LVRN: variants seen among roughly 807,000 people sequenced by gnomAD.
The protein encoded by LVRN is laeverin.
In LVRN, 99 loss-of-function variants were observed where a neutral mutation model predicts 111.4. That is an observed-to-expected ratio of 0.89 (90% CI 0.76 to 1.05). The LOEUF is 1.05. LVRN is among the 50% of genes least tolerant of loss of function. LVRN has a pLI of 0.00. For missense variants in LVRN, 1,414 were observed against 1,206.8 expected (o/e 1.17, Z -2.54); for synonymous variants, 488 against 449.5 (o/e 1.09, Z -1.08).
intron 14 of LVRN, 132 bp from the exon 15 acceptor site, chr5:116,012,242 G>C (rs1748505699): frequency 3.4e-6 from 2 of 594,994 alleles, no homozygotes; most frequent in Non-Finnish European, 6.1e-6. Context: ...TTTAGTAACA[G>C]ATAAAGGTAA....
chr5:115,967,377 A>G (rs1338526181), intron 1 of LVRN, among the ~76,000 whole-genome samples: 1 of 152,114 alleles, frequency 6.6e-6, no homozygotes, highest in Non-Finnish European at 1.5e-5. Flanking sequence ...TTCCAGCATC[A>G]TTTGTTGAAA....
At chr5:115,963,996 T>A (rs549811630) in intron 1 of LVRN, among the ~76,000 whole-genome samples, 39 of 152,338 alleles carry the variant, frequency 2.6e-4, no homozygotes, top group South Asian at 1.0e-3. Flanking sequence ...AGCTGTAACC[T>A]GGGCGCTTGT....
intron 6 of LVRN, among the ~76,000 whole-genome samples, chr5:115,997,892 T>G (rs562534454): frequency 6.6e-6 from 1 of 152,250 alleles, no homozygotes; most frequent in East Asian, 1.9e-4. Context: ...ACCTCTAGGG[T>G]GTTGAGGAAG....
Position 116,026,434 on chromosome 5 carries a change from G to C in LVRN, c.*316G>C. 2.8e-6 allele frequency: 1 copy of C among 354,044 alleles called. No individual in the cohort carries two copies. The highest frequency in any genetic ancestry group is 5.3e-6 in the Non-Finnish European group (1 of 188,776). The allele number at this position is 354,044 out of a possible 1,614,324, so 21.9% of individuals were successfully genotyped here. A position where few individuals can be genotyped will look rare whatever the true frequency, so the allele number is the denominator to read the frequency against. On this transcript the variant is annotated 3_prime_UTR_variant, in exon 20 of 20. Transcript: ENST00000357872. ...TAGTCTTGCTTATTTTGTTGCGAAGGCCAGTGGAATATAAAAATCAATGGC... is the reference window on the plus strand; with the variant it reads ...TAGTCTTGCTTATTTTGTTGCGAAGCCCAGTGGAATATAAAAATCAATGGC...
At chr5:116,008,775 A>AAAGGTGCT (rs1748430225) in intron 13 of LVRN, among the ~76,000 whole-genome samples, 1 of 152,200 alleles carries the variant, frequency 6.6e-6, no homozygotes, top group Non-Finnish European at 1.5e-5. Context: ...AGGTGCAGGA[A>AAAGGTGCT]AAGGTGCTAG....
chr5:116,019,011 A>T (rs1438692205), intron 18 of LVRN, among the ~76,000 whole-genome samples: 2 of 152,118 alleles, frequency 1.3e-5, no homozygotes, highest in Non-Finnish European at 2.9e-5. Flanking sequence ...ACAGGAATAC[A>T]TTCTGAGAAA....
At position 116,015,302 on chromosome 5, in the gene LVRN, G is replaced by A. The variant is rs375897902; in HGVS notation, c.2501G>A (p.Gly834Glu). Residue 834 changes from glycine to glutamate, a missense_variant, in exon 17 of 20, where the codon GGA (glycine) becomes GAA (glutamate). Coordinates refer to ENST00000357872, the MANE Select transcript of LVRN (RefSeq NM_173800.5). Reference protein sequence around the residue: ...DVVLCYGIALGSDKEWDILLN... With the variant: ...DVVLCYGIALESDKEWDILLN... ...GTTTTATGTTATGGCATTGCCTTGGGAAGTGATAAAGAGTGGGACATCTTG... is the reference window on the plus strand; with the variant it reads ...GTTTTATGTTATGGCATTGCCTTGGAAAGTGATAAAGAGTGGGACATCTTG... The A allele has an allele frequency of 3.1e-6, 5 of 1,611,122 alleles. No homozygotes were observed. The highest frequency in any genetic ancestry group is 4.2e-6 in the Non-Finnish European group (5 of 1,178,826).
At chr5:115,970,110 A>C (rs1170732172) in intron 1 of LVRN, among the ~76,000 whole-genome samples, 1 of 152,114 alleles carries the variant, frequency 6.6e-6, no homozygotes, top group Non-Finnish European at 1.5e-5. Flanking sequence ...TAAAGTACAA[A>C]ACTTGATAAG....
At chr5:115,974,223 T>C (rs947087617) in intron 1 of LVRN, among the ~76,000 whole-genome samples, 1 of 152,208 alleles carries the variant, frequency 6.6e-6, no homozygotes, top group Non-Finnish European at 1.5e-5. Context: ...AGAAGAGAAA[T>C]TGCCAGATCA....
intron 7 of LVRN, among the ~76,000 whole-genome samples, chr5:116,000,122 T>A (rs933835938): frequency 6.6e-6 from 1 of 152,232 alleles, no homozygotes; most frequent in East Asian, 1.9e-4. Context: ...AACCATAGAC[T>A]TTAACAACTT....
Position 116,014,402 on chromosome 5 carries a change from T to C in LVRN, c.2343-18T>C, listed in dbSNP as rs778837762. 11 of 1,591,484 alleles carry C rather than the reference T, an allele frequency of 6.9e-6. No homozygotes were observed. In the African/African-American group the frequency reaches 1.5e-4, roughly 21 times the overall value. On this transcript the variant is annotated intron_variant, in intron 15 of 19. Transcript: ENST00000357872. ...GGTAATGCAAAATAAACTGTTTTTC[T>C]TTGACTTTTTCTTCAAGAATATCAC...
chr5:115,972,322 T>C (rs1171772271), intron 1 of LVRN, among the ~76,000 whole-genome samples: 1 of 152,064 alleles, frequency 6.6e-6, no homozygotes, highest in Non-Finnish European at 1.5e-5. Flanking sequence ...GCACATATTT[T>C]GTCAGATTCA....
intron 6 of LVRN, among the ~76,000 whole-genome samples, chr5:115,994,538 G>T (rs1307809634): frequency 6.6e-6 from 1 of 152,200 alleles, no homozygotes; most frequent in Non-Finnish European, 1.5e-5. Flanking sequence ...CTCCCAAAGT[G>T]CTGGGATTAC....
Position 115,963,711 on chromosome 5 carries a change from C to G in LVRN, c.695+399C>G, listed in dbSNP as rs192726190. ...CATCACACACCGCGACGTTTTCTTT[C>G]AAAGCCAGACAGAGTGCGAGCGCCT... is the stretch of plus-strand genomic sequence containing the variant. On this transcript the variant is annotated intron_variant, in intron 1 of 19. Transcript: ENST00000357872. Among the ~76,000 whole-genome samples the G allele has an allele frequency of 5.4e-4, 83 of 152,312 alleles. No homozygotes were observed. The South Asian group carries it at 0.016, about 30-fold the overall frequency.
At chr5:115,999,241 A>T (rs1333422232) in intron 6 of LVRN, among the ~76,000 whole-genome samples, 2 of 152,186 alleles carry the variant, frequency 1.3e-5, no homozygotes, top group Non-Finnish European at 2.9e-5. Context: ...AATATAATAA[A>T]TTGCCTTATC....
intron 4 of LVRN, among the ~76,000 whole-genome samples, chr5:115,989,498 A>C (rs1747938651): frequency 6.6e-6 from 1 of 151,882 alleles, no homozygotes; most frequent in Non-Finnish European, 1.5e-5. Context: ...TGCATATTCC[A>C]CCATCTGAAC....
intron 14 of LVRN, 110 bp downstream of exon 14, chr5:116,011,004 C>CATATATAT (rs3072900): frequency 5.0e-5 from 14 of 281,322 alleles, no homozygotes; most frequent in African/African-American, 3.5e-4. Flanking sequence ...GTCTTAGTTC[C>CATATATAT]ATATATATAT....
At chr5:115,997,073 G>T (rs777745729) in intron 6 of LVRN, among the ~76,000 whole-genome samples, 1 of 152,092 alleles carries the variant, frequency 6.6e-6, no homozygotes, top group Non-Finnish European at 1.5e-5. Flanking sequence ...AGTAATCACC[G>T]CAGTGGTTAA....
chr5:115,997,163 T>C (rs999895172), intron 6 of LVRN, among the ~76,000 whole-genome samples: 2 of 152,128 alleles, frequency 1.3e-5, no homozygotes, highest in South Asian at 4.2e-4. Flanking sequence ...TAATAATCCA[T>C]TGAGGACATT....
Sources: allele counts gnomAD v4.1 joint callset (sites outside exome capture counted in the v4.1 genomes callset), GRCh38; gene constraint gnomAD v4.1.1; transcripts MANE v1.5; gene names NCBI Gene and HGNC (gene_info 2026-07-23, HGNC 2026-07-21).